GALNT18: variants seen among roughly 807,000 people sequenced by gnomAD.
GALNT18 encodes the protein GalNAc-transferase 18.
A neutral mutation model predicts 69.5 loss-of-function variants in GALNT18; 44 were observed. The observed-to-expected ratio is 0.63, with a 90% CI of 0.50 to 0.81. The LOEUF is 0.81. GALNT18 is among the 40% of genes least tolerant of loss of function. GALNT18 has a pLI of 0.00. For synonymous variants in GALNT18, 364 were observed against 318.2 expected, an observed-to-expected ratio of 1.14 and a Z score of -1.53; for missense variants, 715 against 810.0, an observed-to-expected ratio of 0.88 and a Z score of 1.42.
rs1335419063 is a variant in GALNT18, at chr11:11,436,222, C to T, written c.429-3435G>A. Among the ~76,000 whole-genome samples the T allele has an allele frequency of 6.6e-6, 1 of 152,216 alleles. No homozygotes were observed. The highest frequency in any genetic ancestry group is 1.5e-5 in the Non-Finnish European group (1 of 68,050). On this transcript the variant is annotated intron_variant, in intron 2 of 10. Transcript: ENST00000227756. This position sits in a 1 kb window ranked among gnomAD's most constrained non-coding sequence, Gnocchi z 4.5. Reference sequence around the variant, plus strand: ...GTGTGACCATGAATGAGCCACCTTCCCTCTCTGCTCTATGTCTTGGTCACA... The same window carrying T: ...GTGTGACCATGAATGAGCCACCTTCTCTCTCTGCTCTATGTCTTGGTCACA...
intron 1 of GALNT18, among the ~76,000 whole-genome samples, chr11:11,568,367 CCCA>C (rs1219056669): frequency 1.3e-5 from 2 of 152,094 alleles, no homozygotes; most frequent in African/African-American, 4.8e-5. Context: ...GCTCCTATCA[CCCA>C]CCTAACAAAG....
intron 1 of GALNT18, among the ~76,000 whole-genome samples, chr11:11,462,377 A>G (rs1353906588): frequency 6.6e-6 from 1 of 151,832 alleles, no homozygotes; most frequent in Non-Finnish European, 1.5e-5. Flanking sequence ...CCTGGGTCCA[A>G]GGGATCCTCC....
intron 3 of GALNT18, among the ~76,000 whole-genome samples, chr11:11,403,246 C>T (rs1033651305): frequency 2.6e-5 from 4 of 152,198 alleles, no homozygotes; most frequent in African/African-American, 7.2e-5. Context: ...CTCCACATCA[C>T]ATTTCCGATA....
chr11:11,390,246 T>A (rs1046357304), intron 3 of GALNT18, among the ~76,000 whole-genome samples: 1 of 152,194 alleles, frequency 6.6e-6, no homozygotes, highest in South Asian at 2.1e-4. Flanking sequence ...TTTTCCCAAA[T>A]GCACTAAGCT....
At chr11:11,294,932 A>AG (rs150763183) in intron 9 of GALNT18, among the ~76,000 whole-genome samples, 7,982 of 152,326 alleles carry the variant, frequency 0.052, 295 homozygotes, top group Middle Eastern at 0.2. Context: ...TTTCCACTTT[A>AG]GGTTAGAATA....
intron 10 of GALNT18, among the ~76,000 whole-genome samples, chr11:11,288,378 C>T (rs566687967): frequency 5.4e-4 from 83 of 152,304 alleles, no homozygotes; most frequent in African/African-American, 1.9e-3. Context: ...ACTGTCTCTA[C>T]AACCTTTATG....
rs749717310 is a variant in GALNT18 at position 11,591,394 on chromosome 11, C to T, written c.235+29965G>A. 3.9e-5 allele frequency among the ~76,000 whole-genome samples: 6 copies of T among 152,132 alleles called. No individual in the cohort carries two copies. Among genetic ancestry groups the T allele is most frequent in the Admixed American group, 6.5e-5 (1 of 15,280 alleles). ...TATAGATAAAGCATCTAACACGGTC[C>T]TTGGCTCATGGTTGACTTTACTGGA... is the stretch of plus-strand genomic sequence containing the variant. On this transcript the variant is annotated intron_variant, in intron 1 of 10. Coordinates refer to ENST00000227756, the MANE Select transcript of GALNT18 (RefSeq NM_198516.3). The surrounding 1 kb of genome is among the most constrained non-coding windows in gnomAD (Gnocchi z 4.8).
chr11:11,473,488 C>T (rs1856318445), intron 1 of GALNT18, among the ~76,000 whole-genome samples: 1 of 151,496 alleles, frequency 6.6e-6, no homozygotes, highest in Non-Finnish European at 1.5e-5. Flanking sequence ...GTATATTTAG[C>T]ATTTAGAAAG....
In GALNT18 at chr11:11,616,341, T is replaced by C. The variant is rs947199903; in HGVS notation, c.235+5018A>G. ...TGCTGGCCAGGCTCCATGACTTTGG[T>C]ACAATAAGACACTGTTGGTGGCTGT... On this transcript the variant is annotated intron_variant, in intron 1 of 10. Transcript: ENST00000227756. This position sits in a 1 kb window ranked among gnomAD's most constrained non-coding sequence, Gnocchi z 4.4. 2.0e-4 allele frequency among the ~76,000 whole-genome samples: 31 copies of C among 152,204 alleles called. No homozygotes were observed. Among genetic ancestry groups the C allele is most frequent in the Non-Finnish European group, 3.8e-4 (26 of 68,034 alleles).
intron 1 of GALNT18, among the ~76,000 whole-genome samples, chr11:11,615,022 G>C (rs1456207651): frequency 6.6e-6 from 1 of 152,206 alleles, no homozygotes; most frequent in African/African-American, 2.4e-5. Context: ...CCTAAGTCCT[G>C]CTATTGAACT....
Position 11,542,105 on chromosome 11 carries a change from C to T in GALNT18, c.235+79254G>A, listed in dbSNP as rs1006350736. Among the ~76,000 whole-genome samples, 2 of 152,212 alleles carry T rather than the reference C, an allele frequency of 1.3e-5. No homozygotes were observed. The highest frequency in any genetic ancestry group is 2.1e-4 in the South Asian group (1 of 4,826). On this transcript the variant is annotated intron_variant, in intron 1 of 10. Coordinates refer to ENST00000227756, the MANE Select transcript of GALNT18 (RefSeq NM_198516.3). The surrounding 1 kb of genome is among the most constrained non-coding windows in gnomAD (Gnocchi z 4.3). ...TGAGGAGGCTGCAGAGGGTTCCACG[C>T]ACCCCGCTCCTCACCCACAAGCTAG...
chr11:11,574,383 C>A (rs1013726197), intron 1 of GALNT18, among the ~76,000 whole-genome samples: 6 of 152,176 alleles, frequency 3.9e-5, no homozygotes, highest in African/African-American at 1.4e-4. Context: ...TGGATAGGTA[C>A]CATGGGTGAA....
In GALNT18 at chr11:11,413,124, T is replaced by G. The variant is rs761406938; in HGVS notation, c.595+19497A>C. On this transcript the variant is annotated intron_variant, in intron 3 of 10. Coordinates refer to ENST00000227756, the MANE Select transcript of GALNT18 (RefSeq NM_198516.3). This position sits in a 1 kb window ranked among gnomAD's most constrained non-coding sequence, Gnocchi z 4.7. ...CTACCCCACTGGCATATCTTGAACT[T>G]CCTGAATAAACTGCATGCAGTTGAA... 2.0e-5 allele frequency among the ~76,000 whole-genome samples: 3 copies of G among 152,214 alleles called. No individual in the cohort carries two copies. Among genetic ancestry groups the G allele is most frequent in the African/African-American group, 4.8e-5 (2 of 41,454 alleles).
chr11:11,296,168 C>A (rs1355118595), intron 9 of GALNT18, among the ~76,000 whole-genome samples: 1 of 152,156 alleles, frequency 6.6e-6, no homozygotes, highest in Non-Finnish European at 1.5e-5. Flanking sequence ...GGTCCCTGTC[C>A]TGGAGAAGCC....
At chr11:11,490,831 A>G (rs1174129341) in intron 1 of GALNT18, among the ~76,000 whole-genome samples, 2 of 152,222 alleles carry the variant, frequency 1.3e-5, no homozygotes, top group Admixed American at 1.3e-4. Flanking sequence ...GGGTCTCCCT[A>G]ATGAAACTCC....
chr11:11,334,429 G>A (rs543127739), intron 7 of GALNT18, among the ~76,000 whole-genome samples: 269 of 152,068 alleles, frequency 1.8e-3, no homozygotes, highest in Non-Finnish European at 2.7e-3. Context: ...TGTAGTCCCA[G>A]CTACATGGGA....
chr11:11,439,825 C>G lies in GALNT18; in HGVS notation c.429-7038G>C, dbSNP rs1855497542. 6.6e-6 allele frequency among the ~76,000 whole-genome samples: 1 copy of G among 152,144 alleles called. No individual in the cohort carries two copies. Among genetic ancestry groups the G allele is most frequent in the South Asian group, 2.1e-4 (1 of 4,824 alleles). Reference sequence around the variant, plus strand: ...GAATCACTGAGTTGTACATTTACTCCCTGCCTGACTGCAGCAATAAGACTA... The same window carrying G: ...GAATCACTGAGTTGTACATTTACTCGCTGCCTGACTGCAGCAATAAGACTA... On this transcript the variant is annotated intron_variant, in intron 2 of 10. Transcript: ENST00000227756. This position sits in a 1 kb window ranked among gnomAD's most constrained non-coding sequence, Gnocchi z 4.4.
intron 1 of GALNT18, among the ~76,000 whole-genome samples, chr11:11,560,514 G>A (rs892274996): frequency 1.3e-5 from 2 of 152,064 alleles, no homozygotes; most frequent in African/African-American, 4.8e-5. Flanking sequence ...GGTGACATCA[G>A]ACCAGTGTAA....
At chr11:11,560,347 T>C (rs368468898) in intron 1 of GALNT18, among the ~76,000 whole-genome samples, 28 of 129,864 alleles carry the variant, frequency 2.2e-4, no homozygotes, top group East Asian at 1.8e-3. Context: ...TGGGAGGTGA[T>C]GGAATGAAAC....
Sources: allele counts gnomAD v4.1 joint callset (sites outside exome capture counted in the v4.1 genomes callset), GRCh38; gene constraint gnomAD v4.1.1; non-coding constraint Gnocchi (gnomAD v3.1); transcripts MANE v1.5; gene names NCBI Gene and HGNC (gene_info 2026-07-23, HGNC 2026-07-21).